Variants in ZHX3 observed in about 807,000 individuals in gnomAD.
ZHX3 encodes zinc fingers and homeoboxes 3, also known as zinc fingers and homeoboxes protein 3.
A neutral mutation model predicts 64.5 loss-of-function variants in ZHX3; 20 were observed. That is an observed-to-expected ratio of 0.31 (90% CI 0.22 to 0.45). The LOEUF is 0.45. Ranked by LOEUF, ZHX3 falls within the 20% of genes least tolerant of loss-of-function variation. The probability of loss-of-function intolerance (pLI) is 1.00; values close to 1 mark genes in which losing one functional copy is unlikely to be tolerated. For missense variants in ZHX3, 1,041 were observed against 1,195.8 expected, an observed-to-expected ratio of 0.87 and a Z score of 1.91; for synonymous variants, 423 against 461.6, an observed-to-expected ratio of 0.92 and a Z score of 1.07.
intron 1 of ZHX3, among the ~76,000 whole-genome samples, chr20:41,275,090 G>A (rs530060187): frequency 1.2e-3 from 189 of 152,156 alleles, no homozygotes; most frequent in African/African-American, 4.3e-3. Context: ...CCCAGGAGGC[G>A]GAGGTTGCAG....
At chr20:41,218,376 C>T (rs748954543) in intron 2 of ZHX3, among the ~76,000 whole-genome samples, 3 of 151,810 alleles carry the variant, frequency 2.0e-5, no homozygotes, top group African/African-American at 4.8e-5. Flanking sequence ...CCTGGGAGGT[C>T]GTAGCTGCAG....
At chr20:41,239,585 G>GT (rs2041248185) in intron 2 of ZHX3, 1 of 152,328 alleles carries the variant, frequency 6.6e-6, no homozygotes. Context: ...TGTGCAACAG[G>GT]TGTGGGGTTT....
intron 2 of ZHX3, among the ~76,000 whole-genome samples, chr20:41,210,302 A>T (rs1379122833): frequency 2.0e-5 from 3 of 152,240 alleles, no homozygotes; most frequent in Non-Finnish European, 4.4e-5. Context: ...TTCGTCAAGG[A>T]TCTAGAACTA....
chr20:41,197,999 C>CTTTTTTTT (rs11478855), intron 3 of ZHX3, among the ~76,000 whole-genome samples: 11 of 110,388 alleles, frequency 1.0e-4, no homozygotes, highest in East Asian at 2.5e-4. Context: ...AACTAGTGCT[C>CTTTTTTTT]TTTTTTTTTT....
intron 2 of ZHX3, among the ~76,000 whole-genome samples, chr20:41,259,098 C>G (rs967967256): frequency 6.6e-6 from 1 of 152,146 alleles, no homozygotes; most frequent in Non-Finnish European, 1.5e-5. Flanking sequence ...GATGTATATT[C>G]CATATGAACC....
chr20:41,237,336 CACAATAACAAAGACTTGGA>C (rs2041075040), intron 2 of ZHX3, among the ~76,000 whole-genome samples: 1 of 152,172 alleles, frequency 6.6e-6, no homozygotes, highest in Non-Finnish European at 1.5e-5. Flanking sequence ...CGGCACTATT[CACAATAACAAAGACTTGGA>C]ACCAACCCAA....
intron 1 of ZHX3, among the ~76,000 whole-genome samples, chr20:41,289,772 T>C (rs1237426150): frequency 6.7e-6 from 1 of 149,678 alleles, no homozygotes; most frequent in Non-Finnish European, 1.5e-5. Context: ...CACCGAGAAA[T>C]GATCCTGTCT....
rs2036195750 is a variant in ZHX3 at position 41,180,161 on chromosome 20, A to T, written c.*5030T>A. The T allele has an allele frequency of 6.6e-6, 1 of 152,646 alleles. No individual in the cohort carries two copies. The highest frequency in any genetic ancestry group is 1.5e-5 in the Non-Finnish European group (1 of 68,050). 9.5% of individuals were successfully genotyped at this position (152,646 alleles called of 1,614,324 possible). ...CCGCCTATCCAAGTGGACAGCAGGG[A>T]AGGTGCCTAGAGTCCCCACCAGAGC... On this transcript the variant is annotated 3_prime_UTR_variant, in exon 4 of 4. Transcript: ENST00000683867.
intron 1 of ZHX3, among the ~76,000 whole-genome samples, chr20:41,276,061 G>A (rs1189837378): frequency 6.6e-6 from 1 of 152,210 alleles, no homozygotes; most frequent in Non-Finnish European, 1.5e-5. Flanking sequence ...GAATGAGATA[G>A]GAGAGGAGAT....
chr20:41,254,742 G>A (rs1343779767), intron 2 of ZHX3: 4 of 152,178 alleles, frequency 2.6e-5, no homozygotes, highest in African/African-American at 9.7e-5. Context: ...GCCAGTAGCT[G>A]AAACAGTGTA....
In ZHX3 at chr20:41,232,393, C is replaced by T. The variant is rs2040668834; in HGVS notation, c.-150-27327G>A. Reference sequence around the variant, plus strand: ...AGTGTGTGGTGTAGCCATGTCTGAACTCATCTGTTATGCTGGGAAAGCAGC... The same window carrying T: ...AGTGTGTGGTGTAGCCATGTCTGAATTCATCTGTTATGCTGGGAAAGCAGC... On this transcript the variant is annotated intron_variant, in intron 2 of 3. Coordinates refer to ENST00000683867, the MANE Select transcript of ZHX3 (RefSeq NM_001384317.1). This position sits in a 1 kb window ranked among gnomAD's most constrained non-coding sequence, Gnocchi z 5.0. 6.6e-6 allele frequency among the ~76,000 whole-genome samples: 1 copy of T among 151,990 alleles called. No individual in the cohort carries two copies. Among genetic ancestry groups the T allele is most frequent in the Non-Finnish European group, 1.5e-5 (1 of 68,010 alleles).
intron 2 of ZHX3, among the ~76,000 whole-genome samples, chr20:41,240,173 T>C (rs560836516): frequency 6.6e-6 from 1 of 152,232 alleles, no homozygotes; most frequent in South Asian, 2.1e-4. Flanking sequence ...ATTTTTGTAT[T>C]TTTTTAGTAG....
intron 2 of ZHX3, among the ~76,000 whole-genome samples, chr20:41,266,982 T>C (rs2042893485): frequency 6.6e-6 from 1 of 151,322 alleles, no homozygotes; most frequent in African/African-American, 2.4e-5. Context: ...GTAGCTGGGA[T>C]TACAGGCGCC....
intron 1 of ZHX3, among the ~76,000 whole-genome samples, chr20:41,278,933 C>A (rs984623727): frequency 6.6e-6 from 1 of 151,748 alleles, no homozygotes; most frequent in Non-Finnish European, 1.5e-5. Context: ...CCACCACGCC[C>A]GGCTAATTTT....
intron 2 of ZHX3, among the ~76,000 whole-genome samples, chr20:41,260,337 A>C (rs1353954551): frequency 2.0e-5 from 3 of 152,242 alleles, no homozygotes; most frequent in Non-Finnish European, 4.4e-5. Context: ...GGACAACTAC[A>C]AGAGCAAAAA....
intron 2 of ZHX3, among the ~76,000 whole-genome samples, chr20:41,230,642 A>G (rs899844041): frequency 4.6e-5 from 7 of 152,244 alleles, no homozygotes; most frequent in Non-Finnish European, 8.8e-5. Flanking sequence ...ATGTTAAAAT[A>G]TTAGTATTTC....
intron 2 of ZHX3, among the ~76,000 whole-genome samples, chr20:41,237,529 C>T (rs920774926): frequency 9.9e-5 from 15 of 152,196 alleles, no homozygotes; most frequent in East Asian, 3.9e-4. Flanking sequence ...AACCAAACAC[C>T]GCATGTTCTC....
chr20:41,269,472 T>C (rs891310873), intron 1 of ZHX3: 1 of 152,200 alleles, frequency 6.6e-6, no homozygotes, highest in Non-Finnish European at 1.5e-5. Flanking sequence ...ATTCGGGTTT[T>C]CCTGGTGTGG....
intron 2 of ZHX3, among the ~76,000 whole-genome samples, chr20:41,244,787 C>G (rs1267965730): frequency 2.6e-5 from 4 of 152,158 alleles, no homozygotes; most frequent in African/African-American, 9.7e-5. Context: ...TGGAGAGGAA[C>G]TGGATAAGGA....
Sources: allele counts gnomAD v4.1 joint callset (sites outside exome capture counted in the v4.1 genomes callset), GRCh38; gene constraint gnomAD v4.1.1; non-coding constraint Gnocchi (gnomAD v3.1); transcripts MANE v1.5; gene names NCBI Gene and HGNC (gene_info 2026-07-23, HGNC 2026-07-21).